GRIN3A: variants seen among roughly 807,000 people sequenced by gnomAD.
The protein encoded by GRIN3A is glutamate receptor ionotropic, NMDA 3A.
In GRIN3A, 47 loss-of-function variants were observed where a neutral mutation model predicts 92.4. That is an observed-to-expected ratio of 0.51 (90% CI 0.40 to 0.65). The LOEUF is 0.65. Ranked by LOEUF, GRIN3A falls within the 30% of genes least tolerant of loss-of-function variation. The probability of loss-of-function intolerance (pLI) is 0.00; values close to 1 mark genes in which losing one functional copy is unlikely to be tolerated. For missense variants in GRIN3A, 1,324 were observed against 1,393.1 expected, an observed-to-expected ratio of 0.95 and a Z score of 0.79; for synonymous variants, 527 against 540.6, an observed-to-expected ratio of 0.97 and a Z score of 0.35.
intron 8 of GRIN3A, among the ~76,000 whole-genome samples, chr9:101,576,284 A>G (rs1443919565): frequency 2.0e-5 from 3 of 152,196 alleles, no homozygotes; most frequent in African/African-American, 7.2e-5. Flanking sequence ...CCAAAGAGAC[A>G]TGACGGCTAT....
intron 5 of GRIN3A, among the ~76,000 whole-genome samples, chr9:101,622,259 T>C (rs1353583701): frequency 1.3e-5 from 2 of 152,212 alleles, no homozygotes; most frequent in Non-Finnish European, 2.9e-5. Flanking sequence ...ATCAGAATAG[T>C]CTTGATATCC....
intron 2 of GRIN3A, among the ~76,000 whole-genome samples, chr9:101,678,580 G>T (rs562766164): frequency 2.0e-5 from 3 of 152,166 alleles, no homozygotes; most frequent in South Asian, 2.1e-4. Context: ...AATCATTTGG[G>T]TCTATGTTTT....
rs1828325117 is a variant in GRIN3A, at chr9:101,609,175, C to G, written c.2766+4201G>C. Among the ~76,000 whole-genome samples the G allele has an allele frequency of 1.3e-5, 2 of 152,174 alleles. 1 individual carries two copies. Among genetic ancestry groups the G allele is most frequent in the South Asian group, 4.1e-4 (2 of 4,826 alleles). On this transcript the variant is annotated intron_variant, in intron 6 of 8. Transcript: ENST00000361820. ...TTGGCCTAATCCATCATGGTGAACC[C>G]ATTCCCTCACCAATGATAGGCTTAG...
intron 3 of GRIN3A, among the ~76,000 whole-genome samples, chr9:101,635,552 G>C (rs1231873519): frequency 6.6e-6 from 1 of 152,182 alleles, no homozygotes; most frequent in South Asian, 2.1e-4. Context: ...TAAAGAAAGA[G>C]TCATCTTTGC....
At chr9:101,643,302 C>T (rs1588263351) in intron 3 of GRIN3A, among the ~76,000 whole-genome samples, 1 of 152,094 alleles carries the variant, frequency 6.6e-6, no homozygotes, top group African/African-American at 2.4e-5. Context: ...TGAAGAAGTG[C>T]TCAAGATCAC....
intron 3 of GRIN3A, among the ~76,000 whole-genome samples, chr9:101,648,500 C>T (rs1202960849): frequency 6.6e-6 from 1 of 151,918 alleles, no homozygotes; most frequent in Admixed American, 6.6e-5. Flanking sequence ...TAATTTAACT[C>T]CAATTTTTCC....
At chr9:101,727,898 AT>A (rs1378544095) in intron 1 of GRIN3A, among the ~76,000 whole-genome samples, 2 of 149,804 alleles carry the variant, frequency 1.3e-5, no homozygotes, top group Non-Finnish European at 3.0e-5. Context: ...TAGATTTATC[AT>A]TCATGTTCAG....
At chr9:101,690,896 T>C (rs1186958875) in intron 1 of GRIN3A, among the ~76,000 whole-genome samples, 1 of 152,028 alleles carries the variant, frequency 6.6e-6, no homozygotes, top group African/African-American at 2.4e-5. Context: ...ACAATTAAAT[T>C]TCTCATTACA....
chr9:101,600,523 G>C (rs770926969), intron 6 of GRIN3A, among the ~76,000 whole-genome samples: 1 of 152,160 alleles, frequency 6.6e-6, no homozygotes, highest in African/African-American at 2.4e-5. Context: ...ATGGTACCAG[G>C]AGAGTTTGGA....
At position 101,628,396 on chromosome 9, in the gene GRIN3A, A is replaced by C; in HGVS notation, c.2358T>G (p.His786Gln). The C allele has an allele frequency of 6.2e-7, 1 of 1,613,688 alleles. No homozygotes were observed. Among genetic ancestry groups the C allele is most frequent in the South Asian group, 1.1e-5 (1 of 91,072 alleles). ...CAAAGCGGAATCCTTGGGAAGGATG[A>C]TGTAACTATGAGGGAGAAAAAGAAA... ...ELSGIHDPKLHHPSQGFRFGT... is the reference protein window; with the variant it reads ...ELSGIHDPKLQHPSQGFRFGT... The change falls in exon 4 of 9, where the codon CAT becomes CAG. Residue 786 changes from histidine to glutamine, a missense_variant. Coordinates refer to ENST00000361820, the MANE Select transcript of GRIN3A (RefSeq NM_133445.3).
intron 6 of GRIN3A, among the ~76,000 whole-genome samples, chr9:101,585,013 GT>G (rs1827932696): frequency 6.6e-6 from 1 of 152,124 alleles, no homozygotes; most frequent in Non-Finnish European, 1.5e-5. Context: ...GATTTCTCTG[GT>G]TTTCTAGAGT....
At chr9:101,647,531 T>TC (rs1428815076) in intron 3 of GRIN3A, among the ~76,000 whole-genome samples, 8 of 151,982 alleles carry the variant, frequency 5.3e-5, no homozygotes, top group African/African-American at 1.9e-4. Context: ...TGGAATTATT[T>TC]CCTTCTCTTC....
At chr9:101,678,572 T>C (rs542882067) in intron 2 of GRIN3A, among the ~76,000 whole-genome samples, 16 of 152,284 alleles carry the variant, frequency 1.1e-4, no homozygotes, top group African/African-American at 3.6e-4. Context: ...CATATATGAA[T>C]CATTTGGGTC....
intron 3 of GRIN3A, among the ~76,000 whole-genome samples, chr9:101,653,645 G>A (rs10819963): frequency 0.47 from 71,357 of 151,614 alleles, 17,013 homozygotes; most frequent in Middle Eastern, 0.55. Flanking sequence ...TCCTGTATCT[G>A]AGAACTGCTA....
chr9:101,644,460 CAAA>C (rs35576054), intron 3 of GRIN3A, among the ~76,000 whole-genome samples: 85 of 95,134 alleles, frequency 8.9e-4, no homozygotes, highest in Middle Eastern at 6.4e-3. Flanking sequence ...ATTAGTCACT[CAAA>C]AAAAAAAAAA....
At position 101,597,446 on chromosome 9, in the gene GRIN3A, T is replaced by C. The variant is rs138048602; in HGVS notation, c.2766+15930A>G. ...GACAGGTCCATTAGTGCTGACTCTA[T>C]AGGAGAGAGGAAGCATTTTGAACTC... On this transcript the variant is annotated intron_variant, in intron 6 of 8. Transcript: ENST00000361820. Among the ~76,000 whole-genome samples, 8 of 152,284 alleles carry C rather than the reference T, an allele frequency of 5.3e-5. No homozygotes were observed. In the East Asian group the frequency reaches 1.5e-3, roughly 29 times the overall value.
chr9:101,582,249 G>T (rs1327760878), intron 6 of GRIN3A, among the ~76,000 whole-genome samples: 1 of 152,138 alleles, frequency 6.6e-6, no homozygotes, highest in South Asian at 2.1e-4. Context: ...CAGAAGAAAA[G>T]GTCGGAGATT....
chr9:101,599,300 C>T (rs921523726), intron 6 of GRIN3A, among the ~76,000 whole-genome samples: 5 of 152,178 alleles, frequency 3.3e-5, no homozygotes, highest in African/African-American at 1.2e-4. Flanking sequence ...GATGGTACCA[C>T]TTCACTGAAA....
chr9:101,670,956 C>G lies in GRIN3A; in HGVS notation c.1456G>C (p.Gly486Arg), dbSNP rs369373527. Residue 486 changes from glycine (G) to arginine (R), a missense_variant, in exon 3 of 9, where the codon GGG becomes CGG. Coordinates refer to ENST00000361820, the MANE Select transcript of GRIN3A (RefSeq NM_133445.3). ...PMWTRLGSWQGGKIVMDYGIW... is the reference protein window; with the variant it reads ...PMWTRLGSWQRGKIVMDYGIW... ...CCATAGTCCATGACAATCTTTCCCC[C>G]CTGCCAGCTGCCCAAGCGGGTCCAC... is the stretch of plus-strand genomic sequence containing the variant. 4 of 1,613,990 alleles carry G rather than the reference C, an allele frequency of 2.5e-6. No individual in the cohort carries two copies. The highest frequency in any genetic ancestry group is 2.2e-5 in the East Asian group (1 of 44,854).
Sources: allele counts gnomAD v4.1 joint callset (sites outside exome capture counted in the v4.1 genomes callset), GRCh38; gene constraint gnomAD v4.1.1; transcripts MANE v1.5; gene names NCBI Gene and HGNC (gene_info 2026-07-23, HGNC 2026-07-21).